The following RIN3 variants were observed in gnomAD, a reference collection of about 807,000 sequenced individuals.
RIN3 encodes the protein RAB5 interacting protein 3.
RIN3 carries 54 observed loss-of-function variants against 76.3 expected under a neutral mutation model. That is an observed-to-expected ratio of 0.71 (90% CI 0.57 to 0.89). The LOEUF is 0.89. RIN3 is among the 40% of genes least tolerant of loss of function. The pLI is 0.00. For synonymous variants in RIN3, 576 were observed against 564.0 expected, an observed-to-expected ratio of 1.02 and a Z score of -0.30; for missense variants, 1,256 against 1,322.1, an observed-to-expected ratio of 0.95 and a Z score of 0.78.
chr14:92,547,532 C>CTACTCAG (rs1897318477), intron 1 of RIN3, among the ~76,000 whole-genome samples: 1 of 147,856 alleles, frequency 6.8e-6, no homozygotes, highest in Non-Finnish European at 1.5e-5. Flanking sequence ...GTAGCTGGGA[C>CTACTCAG]CATAGGTGCA....
At chr14:92,662,730 A>G (rs529126915) in intron 7 of RIN3, among the ~76,000 whole-genome samples, 1 of 152,312 alleles carries the variant, frequency 6.6e-6, no homozygotes, top group African/African-American at 2.4e-5. Flanking sequence ...TTTGCGCTGG[A>G]AGGGGCAATT....
chr14:92,593,020 G>C (rs1048455555), intron 3 of RIN3, among the ~76,000 whole-genome samples: 2 of 151,818 alleles, frequency 1.3e-5, no homozygotes, highest in Admixed American at 1.3e-4. Flanking sequence ...ATGGTTGGTT[G>C]AATCTACATG....
intron 2 of RIN3, among the ~76,000 whole-genome samples, chr14:92,566,399 C>T (rs1897917078): frequency 6.6e-6 from 1 of 152,198 alleles, no homozygotes; most frequent in Admixed American, 6.5e-5. Context: ...GCTTTCTCCT[C>T]CTAGGCTCTG....
intron 4 of RIN3, among the ~76,000 whole-genome samples, chr14:92,627,605 G>A (rs753411366): frequency 2.6e-5 from 4 of 152,076 alleles, no homozygotes; most frequent in Non-Finnish European, 5.9e-5. Flanking sequence ...GGTCTTGTGC[G>A]CAAAGTTACC....
chr14:92,595,857 C>A (rs1313007754), intron 3 of RIN3, among the ~76,000 whole-genome samples: 1 of 152,234 alleles, frequency 6.6e-6, no homozygotes, highest in African/African-American at 2.4e-5. Flanking sequence ...AGTGTCCAGG[C>A]AGCCCACCTG....
intron 9 of RIN3, chr14:92,686,963 C>G (rs542925189): frequency 1.3e-5 from 2 of 152,258 alleles, no homozygotes; most frequent in Non-Finnish European, 2.9e-5. Flanking sequence ...GACAGGAGCC[C>G]GGCCTCGCCT....
At chr14:92,654,980 C>A (rs1440954959) in intron 6 of RIN3, among the ~76,000 whole-genome samples, 1 of 152,054 alleles carries the variant, frequency 6.6e-6, no homozygotes, top group African/African-American at 2.4e-5. Flanking sequence ...GCCTGGCCAA[C>A]ATGGTGAAAC....
At chr14:92,669,332 G>A (rs1888210038) in intron 7 of RIN3, among the ~76,000 whole-genome samples, 1 of 152,196 alleles carries the variant, frequency 6.6e-6, no homozygotes, top group Non-Finnish European at 1.5e-5. Flanking sequence ...GGGGTCTGAG[G>A]AGTGTTGGAG....
chr14:92,513,867 G>T lies in RIN3; in HGVS notation c.-66G>T. On this transcript the variant is annotated 5_prime_UTR_variant, in exon 1 of 10. Coordinates refer to ENST00000216487, the MANE Select transcript of RIN3 (RefSeq NM_024832.5). ...GAGCCAGGGACATGCGGGCGCCCGG[G>T]ACTCCGCGTTCCGCGCGGCCCGGCG... 8.4e-7 allele frequency: 1 copy of T among 1,187,482 alleles called. No individual in the cohort carries two copies. The highest frequency in any genetic ancestry group is 1.1e-6 in the Non-Finnish European group (1 of 942,688). The allele number at this position is 1,187,482 out of a possible 1,614,324, so 73.6% of individuals were successfully genotyped here.
intron 1 of RIN3, among the ~76,000 whole-genome samples, chr14:92,520,054 G>C (rs549934961): frequency 6.6e-6 from 1 of 152,368 alleles, no homozygotes; most frequent in East Asian, 1.9e-4. Flanking sequence ...ATAGTCAGAA[G>C]CTTTGAACAT....
At chr14:92,579,405 G>T (rs979911340) in intron 3 of RIN3, among the ~76,000 whole-genome samples, 2 of 152,246 alleles carry the variant, frequency 1.3e-5, no homozygotes, top group African/African-American at 4.8e-5. Flanking sequence ...ATGAACAAGG[G>T]CAGTTTGGAG....
chr14:92,676,616 C>G lies in RIN3; in HGVS notation c.2467+10C>G, dbSNP rs1182625931. ...CTGCAGCTGGGGGAGGGTGAGTCAC[C>G]ACCCCCTGCCCATCAGGTGCATTGC... On this transcript the variant is annotated intron_variant, in intron 8 of 9. Transcript: ENST00000216487. 2.5e-6 allele frequency: 4 copies of G among 1,611,726 alleles called. No individual in the cohort carries two copies. The highest frequency in any genetic ancestry group is 4.5e-5 in the East Asian group (2 of 44,792).
chr14:92,599,182 C>T (rs185126876), intron 3 of RIN3, among the ~76,000 whole-genome samples: 157 of 152,182 alleles, frequency 1.0e-3, no homozygotes, highest in African/African-American at 3.5e-3. Flanking sequence ...GGAACCCCAG[C>T]GAAGGACATT....
At chr14:92,606,145 C>CAAAAAAAAAAAAA (rs10573887) in intron 3 of RIN3, among the ~76,000 whole-genome samples, 1 of 95,988 alleles carries the variant, frequency 1.0e-5, no homozygotes, top group African/African-American at 4.2e-5. Context: ...GAGCCAGTCT[C>CAAAAAAAAAAAAA]AAAAAAAAAA....
intron 1 of RIN3, 136 bp from the exon 2 acceptor site, chr14:92,555,614 AT>A (rs889242760): frequency 6.8e-4 from 544 of 800,980 alleles, no homozygotes; most frequent in Non-Finnish European, 8.5e-4. Context: ...TGGTTTGTTG[AT>A]TTTTTTTTAA....
chr14:92,672,982 G>T (rs1188221894), intron 7 of RIN3, among the ~76,000 whole-genome samples: 1 of 151,784 alleles, frequency 6.6e-6, no homozygotes, highest in African/African-American at 2.4e-5. Context: ...ATATCATCAC[G>T]GTCTATCAAT....
chr14:92,688,145 G>T lies in RIN3; in HGVS notation c.2851G>T (p.Glu951Ter). The T allele has an allele frequency of 6.2e-7, 1 of 1,610,342 alleles. No individual in the cohort carries two copies. ...HCIKGYLLRSEPKRDFHFVYR... is the reference protein window; with the variant it reads ...HCIKGYLLRS ...CATCAAGGGCTACCTGCTGCGCAGC[G>T]AGCCCAAGCGCGACTTCCACTTTGT... The change falls in exon 10 of 10, where the codon GAG becomes TAG. Residue 951 changes from glutamate (E) to a stop codon, truncating the protein, a stop_gained. Coordinates refer to ENST00000216487, the MANE Select transcript of RIN3 (RefSeq NM_024832.5). LOFTEE classifies it high-confidence loss of function.
In RIN3 at chr14:92,685,128, G is replaced by A. The variant is rs201198941; in HGVS notation, c.2609G>A (p.Arg870Gln). The change falls in exon 9 of 10, where the codon CGG becomes CAG. Residue 870 changes from arginine (R) to glutamine (Q), a missense_variant. Around this residue, in one of 3 missense-constraint regions of RIN3, gnomAD observed 218 missense variants for 174.5 expected, o/e 1.25. Coordinates refer to ENST00000216487, the MANE Select transcript of RIN3 (RefSeq NM_024832.5). The surrounding 1 kb of genome is among the most constrained non-coding windows in gnomAD (Gnocchi z 4.7). ...CGCCGGCGTACTCTCAACAAGGCCC[G>A]GGCCTCCCGCTCCTCCGTACAGGTG... ...WERRRTLNKA[R>Q]ASRSSVQDFI... 3.4e-5 allele frequency: 55 copies of A among 1,612,354 alleles called. No individual in the cohort carries two copies. The East Asian group carries it at 5.6e-4, about 16-fold the overall frequency.
chr14:92,558,290 A>G (rs1897658145), intron 2 of RIN3, among the ~76,000 whole-genome samples: 1 of 152,182 alleles, frequency 6.6e-6, no homozygotes, highest in African/African-American at 2.4e-5. Flanking sequence ...TGGAAGTTGC[A>G]GTGTGCCTAG....
Sources: allele counts gnomAD v4.1 joint callset (sites outside exome capture counted in the v4.1 genomes callset), GRCh38; gene constraint gnomAD v4.1.1; regional missense constraint gnomAD v4.1.1; non-coding constraint Gnocchi (gnomAD v3.1); transcripts MANE v1.5; gene names NCBI Gene and HGNC (gene_info 2026-07-23, HGNC 2026-07-21).